The following ASB3 variants were observed in gnomAD, a reference collection of about 807,000 sequenced individuals.
ASB3 encodes ankyrin repeat and SOCS box containing 3.
In ASB3, 41 loss-of-function variants were observed where a neutral mutation model predicts 54.5. That is an observed-to-expected ratio of 0.75 (90% CI 0.59 to 0.98). The LOEUF is 0.98. Among genes scored for constraint, ASB3 ranks in the 50% least tolerant of loss-of-function variants. The pLI, the probability that ASB3 is intolerant of heterozygous loss-of-function variation, is 0.00. For missense variants in ASB3, 733 were observed against 620.0 expected (o/e 1.18, Z -1.94); for synonymous variants, 266 against 221.2 (o/e 1.20, Z -1.80).
chr2:53,755,813 A>G (rs1299205759), intron 2 of ASB3, among the ~76,000 whole-genome samples: 1 of 152,186 alleles, frequency 6.6e-6, no homozygotes, highest in Admixed American at 6.5e-5. Context: ...CGAAACACAT[A>G]TAACACCGAA....
chr2:53,728,885 A>G (rs192047565), intron 4 of ASB3, 38 bp from the exon 5 acceptor site: 96 of 1,550,158 alleles, frequency 6.2e-5, no homozygotes, highest in Admixed American at 2.8e-4. Context: ...AGAAAAAAAC[A>G]AAGAAAATAG....
intron 5 of ASB3, among the ~76,000 whole-genome samples, chr2:53,717,100 T>C (rs1458630595): frequency 6.6e-6 from 1 of 152,174 alleles, no homozygotes. Context: ...AAACAAGTGA[T>C]TCATATCTTA....
chr2:53,682,577 A>G (rs1668432936), intron 9 of ASB3, among the ~76,000 whole-genome samples: 1 of 152,062 alleles, frequency 6.6e-6, no homozygotes, highest in Non-Finnish European at 1.5e-5. Context: ...CTCGGGTTCA[A>G]GTGATTCTCC....
chr2:53,775,767 T>G (rs997410908), intron 1 of ASB3, among the ~76,000 whole-genome samples: 1 of 152,202 alleles, frequency 6.6e-6, no homozygotes, highest in African/African-American at 2.4e-5. Context: ...TGAGCCACCA[T>G]GCCCGGCCTA....
chr2:53,676,909 C>T (rs189268782), intron 9 of ASB3, among the ~76,000 whole-genome samples: 127 of 152,276 alleles, frequency 8.3e-4, no homozygotes, highest in Admixed American at 1.8e-3. Context: ...GCTGGGATTA[C>T]AGGCGCCTGC....
At position 53,708,006 on chromosome 2, in the gene ASB3, G is replaced by C. The variant is rs1023285107; in HGVS notation, c.980+6378C>G. On this transcript the variant is annotated intron_variant, in intron 7 of 9. Coordinates refer to ENST00000263634, the MANE Select transcript of ASB3 (RefSeq NM_016115.5). ...AGAAAGAAAGAAAAGAAAAGAAAAA[G>C]AAAGAAATGCAGAATATCAGTCCCC... is the stretch of plus-strand genomic sequence containing the variant. 3.3e-5 allele frequency among the ~76,000 whole-genome samples: 5 copies of C among 150,634 alleles called. No homozygotes were observed. The South Asian group carries it at 1.1e-3, about 32-fold the overall frequency.
At chr2:53,682,961 CT>C (rs1184147328) in intron 9 of ASB3, among the ~76,000 whole-genome samples, 1 of 152,122 alleles carries the variant, frequency 6.6e-6, no homozygotes, top group African/African-American at 2.4e-5. Context: ...CTTGGATGCC[CT>C]TTCTTTCTTT....
intron 9 of ASB3, among the ~76,000 whole-genome samples, chr2:53,685,268 A>T (rs1374490598): frequency 6.6e-6 from 1 of 152,222 alleles, no homozygotes; most frequent in Non-Finnish European, 1.5e-5. Flanking sequence ...CATTGCAATC[A>T]ACAAAGGCAG....
At chr2:53,732,658 T>C (rs921929367) in intron 3 of ASB3, among the ~76,000 whole-genome samples, 24 of 152,336 alleles carry the variant, frequency 1.6e-4, no homozygotes, top group Non-Finnish European at 2.4e-4. Context: ...ACTTTTAATA[T>C]CATAAATATA....
At chr2:53,785,033 C>T (rs886878422) in intron 1 of ASB3, among the ~76,000 whole-genome samples, 1 of 152,236 alleles carries the variant, frequency 6.6e-6, no homozygotes, top group Non-Finnish European at 1.5e-5. Flanking sequence ...TCCAGCCACA[C>T]TGGCCTTCTT....
At chr2:53,726,798 G>A (rs894219814) in intron 5 of ASB3, among the ~76,000 whole-genome samples, 9 of 151,892 alleles carry the variant, frequency 5.9e-5, no homozygotes, top group Non-Finnish European at 1.2e-4. Context: ...ATGGGTTCAA[G>A]AGATTCTCCT....
intron 9 of ASB3, among the ~76,000 whole-genome samples, chr2:53,678,685 G>A (rs984222969): frequency 6.6e-6 from 1 of 152,156 alleles, no homozygotes; most frequent in African/African-American, 2.4e-5. Flanking sequence ...TATGCTAAGT[G>A]GAGGATGGGA....
At chr2:53,704,212 T>A (rs1300767002) in intron 7 of ASB3, among the ~76,000 whole-genome samples, 1 of 151,378 alleles carries the variant, frequency 6.6e-6, no homozygotes, top group East Asian at 1.9e-4. Flanking sequence ...ATACAAAAAT[T>A]AGCCAGGCGT....
chr2:53,765,435 T>G lies in ASB3; in HGVS notation c.138A>C (p.Pro46=). ...AGTTGTGATAAGCTGCTTCATGAAT[T>G]GGCATCCATCCCCTGTTATCAGCAA... ...VDVADNRGWM[P]IHEAAYHNSV... is the part of the protein sequence containing the mutation. The change falls in exon 2 of 10, where the codon CCA becomes CCC. Residue 46 remains proline, a synonymous_variant. Coordinates refer to ENST00000263634, the MANE Select transcript of ASB3 (RefSeq NM_016115.5). 2 of 1,614,248 alleles carry G rather than the reference T, an allele frequency of 1.2e-6. No individual in the cohort carries two copies. The highest frequency in any genetic ancestry group is 1.1e-5 in the South Asian group (1 of 91,086).
chr2:53,765,476 C>G lies in ASB3; in HGVS notation c.97G>C (p.Gly33Arg). The G allele has an allele frequency of 6.2e-7, 1 of 1,614,206 alleles. No individual in the cohort carries two copies. The highest frequency in any genetic ancestry group is 2.2e-5 in the East Asian group (1 of 44,890). Residue 33 changes from glycine (G) to arginine (R), a missense_variant, in exon 2 of 10, where the codon GGC becomes CGC. By Grantham distance (125) the Gly-to-Arg change is moderately radical. Transcript: ENST00000263634. Reference sequence around the variant, plus strand: ...TTATCAGCAACATCGACACTTCGGCCCTTTTTGAGCAGTTTCCTTAAGACT... The same window carrying G: ...TTATCAGCAACATCGACACTTCGGCGCTTTTTGAGCAGTTTCCTTAAGACT... Reference protein sequence around the residue: ...VKVLRKLLKKGRSVDVADNRG... With the variant: ...VKVLRKLLKKRRSVDVADNRG...
chr2:53,735,626 T>C (rs1280900172), intron 3 of ASB3, among the ~76,000 whole-genome samples: 1 of 151,620 alleles, frequency 6.6e-6, no homozygotes, highest in Non-Finnish European at 1.5e-5. Flanking sequence ...AGGTATTGTC[T>C]TAATAGTTGG....
At chr2:53,670,713 G>A in intron 9 of ASB3, 23 bp from the exon 10 acceptor site, 4 of 1,586,870 alleles carry the variant, frequency 2.5e-6, no homozygotes, top group Non-Finnish European at 3.4e-6. Flanking sequence ...AAAAAGCAAG[G>A]TGAAACTTTT....
intron 3 of ASB3, among the ~76,000 whole-genome samples, chr2:53,732,145 G>A (rs1434574627): frequency 6.6e-6 from 1 of 151,558 alleles, no homozygotes; most frequent in Non-Finnish European, 1.5e-5. Flanking sequence ...TTTTAGTAGA[G>A]ACAAGGTTTC....
At chr2:53,775,599 C>T (rs1167556046) in intron 1 of ASB3, among the ~76,000 whole-genome samples, 6 of 152,336 alleles carry the variant, frequency 3.9e-5, no homozygotes, top group Non-Finnish European at 7.3e-5. Flanking sequence ...CCTCAGCCTC[C>T]CGCGTAGCTG....
Sources: allele counts gnomAD v4.1 joint callset (sites outside exome capture counted in the v4.1 genomes callset), GRCh38; gene constraint gnomAD v4.1.1; transcripts MANE v1.5; gene names NCBI Gene and HGNC (gene_info 2026-07-23, HGNC 2026-07-21).